Variants in UNC80 observed in about 807,000 individuals in gnomAD.
UNC80 encodes the protein protein unc-80 homolog.
In UNC80, 164 loss-of-function variants were observed where a neutral mutation model predicts 384.6. That is an observed-to-expected ratio of 0.43 (90% CI 0.38 to 0.49). The LOEUF is 0.49. Ranked by LOEUF, UNC80 falls within the 20% of genes least tolerant of loss-of-function variation. UNC80 has a pLI of 0.00. For missense variants in UNC80, 3,330 were observed against 4,143.0 expected (o/e 0.80, Z 5.39); for synonymous variants, 1,486 against 1,527.8 (o/e 0.97, Z 0.64).
intron 16 of UNC80, 124 bp from the exon 17 acceptor site, chr2:209,833,877 TC>T: frequency 1.1e-6 from 1 of 901,328 alleles, no homozygotes; most frequent in South Asian, 1.8e-5. Flanking sequence ...TAGTAAACTG[TC>T]CTGTCTTAAT....
chr2:209,824,392 A>T (rs2080357223), intron 13 of UNC80, among the ~76,000 whole-genome samples: 2 of 152,164 alleles, frequency 1.3e-5, no homozygotes, highest in South Asian at 4.1e-4. Context: ...ATTGAACTGC[A>T]GTGTAGTTGT....
At position 209,967,582 on chromosome 2, in the gene UNC80, A is replaced by T; in HGVS notation, c.7951A>T (p.Ile2651Phe). 1 of 1,551,674 alleles carries T rather than the reference A, an allele frequency of 6.4e-7. No homozygotes were observed. Among genetic ancestry groups the T allele is most frequent in the Non-Finnish European group, 8.7e-7 (1 of 1,146,976 alleles). The change falls in exon 52 of 65, where the codon ATT becomes TTT. Residue 2651 changes from isoleucine (I) to phenylalanine (F), a missense_variant. Around this residue, in one of 8 missense-constraint regions of UNC80, gnomAD observed 1,049 missense variants for 1,488.6 expected, o/e 0.70. Coordinates refer to ENST00000673920, the MANE Select transcript of UNC80 (RefSeq NM_001371986.1). ...GGCAGTGAGGCCGGCCCTCATCCTCATTTTAAAAAGATTGGATAGAATGTT... is the reference window on the plus strand; with the variant it reads ...GGCAGTGAGGCCGGCCCTCATCCTCTTTTTAAAAAGATTGGATAGAATGTT... ...AEAVRPALIL[I>F]LKRLDRMFNK...
intron 33 of UNC80, among the ~76,000 whole-genome samples, chr2:209,920,682 A>T (rs1358479565): frequency 6.6e-6 from 1 of 152,200 alleles, no homozygotes; most frequent in Non-Finnish European, 1.5e-5. Context: ...CACAAATATT[A>T]TTAAGTGTTT....
At position 209,913,931 on chromosome 2, in the gene UNC80, G is replaced by A; in HGVS notation, c.5020G>A (p.Gly1674Arg). 6.5e-7 allele frequency: 1 copy of A among 1,547,592 alleles called. No homozygotes were observed. The highest frequency in any genetic ancestry group is 8.7e-7 in the Non-Finnish European group (1 of 1,144,072). The change falls in exon 31 of 65, where the codon GGG becomes AGG. Residue 1674 changes from glycine (G) to arginine (R), a missense_variant. Physicochemically the swap from Gly to Arg is moderately radical, Grantham distance 125. Around this residue, in one of 8 missense-constraint regions of UNC80, gnomAD observed 801 missense variants for 950.8 expected, o/e 0.84. Transcript: ENST00000673920. ...GCTCAGCATGGATGAGCACATGGCA[G>A]GGGCAGCAGGTAAAGAAAGACCACC... ...LLLSMDEHMA[G>R]AAAAMFLLCA...
chr2:209,895,885 A>G (rs562529273), intron 27 of UNC80, among the ~76,000 whole-genome samples: 1 of 152,318 alleles, frequency 6.6e-6, no homozygotes, highest in South Asian at 2.1e-4. Flanking sequence ...GGCTAGAGCA[A>G]TAGCACTAGC....
chr2:209,955,744 C>T (rs902170305), intron 48 of UNC80, among the ~76,000 whole-genome samples: 2,494 of 79,030 alleles, frequency 0.032, 34 homozygotes, highest in African/African-American at 0.058. Context: ...TATATACACA[C>T]ACACACACAC....
In UNC80 at chr2:209,995,797, G is replaced by C; in HGVS notation, c.*202G>C. On this transcript the variant is annotated 3_prime_UTR_variant, in exon 65 of 65. Transcript: ENST00000673920. ...AAAAGTCAATGGCTAAAAGGATTTA[G>C]TTGTGTGAAAATCACAAAACCAGGG... The C allele has an allele frequency of 1.7e-6, 1 of 587,722 alleles. No individual in the cohort carries two copies. Among genetic ancestry groups the C allele is most frequent in the Non-Finnish European group, 2.9e-6 (1 of 349,946 alleles). 36.4% of individuals were successfully genotyped at this position (587,722 alleles called of 1,614,324 possible).
intron 11 of UNC80, among the ~76,000 whole-genome samples, chr2:209,818,279 T>C (rs1416686525): frequency 6.6e-6 from 1 of 151,898 alleles, no homozygotes; most frequent in East Asian, 1.9e-4. Flanking sequence ...ATGAGATCTC[T>C]CTGAAGGGCT....
chr2:209,847,695 T>C (rs1484227269), intron 21 of UNC80, among the ~76,000 whole-genome samples: 1 of 152,036 alleles, frequency 6.6e-6, no homozygotes, highest in Non-Finnish European at 1.5e-5. Context: ...ATTGGTAATC[T>C]TGTCAAATAA....
At chr2:209,781,690 C>T (rs1289857242) in intron 4 of UNC80, among the ~76,000 whole-genome samples, 1 of 152,068 alleles carries the variant, frequency 6.6e-6, no homozygotes, top group Non-Finnish European at 1.5e-5. Flanking sequence ...ACACTTTGTT[C>T]TTCTCACTCT....
intron 4 of UNC80, among the ~76,000 whole-genome samples, chr2:209,782,655 T>C (rs1200206068): frequency 6.6e-6 from 1 of 152,180 alleles, no homozygotes; most frequent in African/African-American, 2.4e-5. Flanking sequence ...AGTTCACTAA[T>C]TTGTAAATAA....
chr2:209,841,271 A>G (rs1375571022), intron 20 of UNC80, among the ~76,000 whole-genome samples: 1 of 152,086 alleles, frequency 6.6e-6, no homozygotes, highest in Non-Finnish European at 1.5e-5. Flanking sequence ...ATTTGCTTGC[A>G]TTCTTTTGTT....
intron 4 of UNC80, among the ~76,000 whole-genome samples, chr2:209,783,968 C>A (rs530267116): frequency 6.6e-6 from 1 of 152,184 alleles, no homozygotes; most frequent in Non-Finnish European, 1.5e-5. Flanking sequence ...AGTGCTTACT[C>A]GGTATCTCTA....
chr2:209,810,458 T>C (rs985590288), intron 7 of UNC80, among the ~76,000 whole-genome samples: 1 of 152,236 alleles, frequency 6.6e-6, no homozygotes, highest in Non-Finnish European at 1.5e-5. Flanking sequence ...TACCTGAGAA[T>C]GTTGTTTAAA....
At chr2:209,938,710 CTGTG>C (rs139058213) in intron 42 of UNC80, among the ~76,000 whole-genome samples, 19 of 83,498 alleles carry the variant, frequency 2.3e-4, no homozygotes, top group East Asian at 3.5e-4. Flanking sequence ...CTCTCTCTCT[CTGTG>C]TGTGTGTGTG....
rs1339481317 is a variant in UNC80, at chr2:209,976,087, C to T, written c.8588-32C>T. The T allele has an allele frequency of 5.2e-6, 8 of 1,535,446 alleles. No individual in the cohort carries two copies. The highest frequency in any genetic ancestry group is 1.4e-5 in the African/African-American group (1 of 71,720). On this transcript the variant is annotated intron_variant, in intron 56 of 64. Transcript: ENST00000673920. The surrounding 1 kb of genome is among the most constrained non-coding windows in gnomAD (Gnocchi z 4.3). Reference sequence around the variant, plus strand: ...TGGGTTCCTCGGAAGCACACGTCCGCAGGCTCATTTTTCTCTTTTCCCGGT... The same window carrying T: ...TGGGTTCCTCGGAAGCACACGTCCGTAGGCTCATTTTTCTCTTTTCCCGGT...
chr2:209,913,132 G>A (rs971792725), intron 30 of UNC80, among the ~76,000 whole-genome samples: 1 of 152,118 alleles, frequency 6.6e-6, no homozygotes, highest in Non-Finnish European at 1.5e-5. Flanking sequence ...AAAGAAAATG[G>A]TTCATGTACC....
intron 21 of UNC80, among the ~76,000 whole-genome samples, chr2:209,845,972 G>GCT (rs1426821604): frequency 6.8e-6 from 1 of 147,482 alleles, no homozygotes; most frequent in Non-Finnish European, 1.5e-5. Context: ...TTTCTTTCTT[G>GCT]CTCTCTCTCT....
chr2:209,829,495 T>C (rs868830027), intron 15 of UNC80, 116 bp downstream of exon 15: 1 of 1,061,262 alleles, frequency 9.4e-7, no homozygotes, highest in Middle Eastern at 2.1e-4. Context: ...TACGTATGTG[T>C]CCATGCATGT....
Sources: allele counts gnomAD v4.1 joint callset (sites outside exome capture counted in the v4.1 genomes callset), GRCh38; gene constraint gnomAD v4.1.1; regional missense constraint gnomAD v4.1.1; non-coding constraint Gnocchi (gnomAD v3.1); transcripts MANE v1.5; gene names NCBI Gene and HGNC (gene_info 2026-07-23, HGNC 2026-07-21).